The following SYNE2 variants were observed in gnomAD, a reference collection of about 807,000 sequenced individuals.
SYNE2 encodes the protein nesprin-2.
In SYNE2, 431 loss-of-function variants were observed where a neutral mutation model predicts 856.3. The observed-to-expected ratio is 0.50, with a 90% CI of 0.47 to 0.55. The LOEUF is 0.55. SYNE2 is among the 20% of genes least tolerant of loss of function. The pLI is 0.00. For synonymous variants in SYNE2, 2,923 were observed against 2,872.3 expected (o/e 1.02, Z -0.56); for missense variants, 8,129 against 8,023.2 (o/e 1.01, Z -0.50).
intron 94 of SYNE2, among the ~76,000 whole-genome samples, chr14:64,170,844 G>A (rs1431119610): frequency 6.6e-6 from 1 of 151,902 alleles, no homozygotes; most frequent in African/African-American, 2.4e-5. Context: ...ACTCTTGAAG[G>A]GCAAATTCAA....
chr14:63,990,920 T>G lies in SYNE2; in HGVS notation c.2473-22T>G, dbSNP rs1255908. ...TTAAGAATTGGTCCCCGTGTTAATT[T>G]GAGAATTTTTTTGTCTTCAAGATCA... On this transcript the variant is annotated intron_variant, in intron 20 of 115. Coordinates refer to ENST00000555002, the MANE Select transcript of SYNE2 (RefSeq NM_182914.3). 475,629 of 1,610,086 alleles carry G rather than the reference T, an allele frequency of 0.3. 71,723 individuals are homozygous for G. The highest frequency in any genetic ancestry group is 0.36 in the African/African-American group (27,127 of 74,854).
Position 64,081,423 on chromosome 14 carries a change from G to A in SYNE2, c.11347-20G>A. ...AGTAAAAGGCATCTGACTAAGTTTG[G>A]TCCTGCATCTCTTTCCCAGGCCACA... On this transcript the variant is annotated intron_variant, in intron 56 of 115. Coordinates refer to ENST00000555002, the MANE Select transcript of SYNE2 (RefSeq NM_182914.3). 6.2e-7 allele frequency: 1 copy of A among 1,614,060 alleles called. No individual in the cohort carries two copies. The highest frequency in any genetic ancestry group is 8.5e-7 in the Non-Finnish European group (1 of 1,179,994).
At chr14:64,029,323 A>G (rs951769484) in intron 43 of SYNE2, among the ~76,000 whole-genome samples, 2 of 152,138 alleles carry the variant, frequency 1.3e-5, no homozygotes, top group Non-Finnish European at 2.9e-5. Flanking sequence ...TCTTCTGTAA[A>G]TTGTTTAATT....
intron 100 of SYNE2, among the ~76,000 whole-genome samples, chr14:64,205,633 C>T (rs1299236546): frequency 6.6e-6 from 1 of 152,140 alleles, no homozygotes. Flanking sequence ...GGGGTCAGAC[C>T]CTATAGGAGT....
At chr14:63,927,600 A>G (rs2095686336) in intron 2 of SYNE2, among the ~76,000 whole-genome samples, 1 of 151,864 alleles carries the variant, frequency 6.6e-6, no homozygotes, top group African/African-American at 2.4e-5. Context: ...CCACCATATA[A>G]GACATGCCTT....
chr14:63,764,903 G>T (rs530165096), intron 1 of SYNE2, among the ~76,000 whole-genome samples: 1 of 152,278 alleles, frequency 6.6e-6, no homozygotes, highest in Non-Finnish European at 1.5e-5. Context: ...AGCTGTGATT[G>T]TGTCACTGCA....
chr14:64,135,880 C>T (rs1335480238), intron 78 of SYNE2, among the ~76,000 whole-genome samples: 1 of 152,132 alleles, frequency 6.6e-6, no homozygotes, highest in Non-Finnish European at 1.5e-5. Flanking sequence ...GATCAGCCGT[C>T]GTCTGTGGGG....
At chr14:64,163,313 T>G in intron 88 of SYNE2, 89 bp from the exon 89 acceptor site, 1 of 1,452,684 alleles carries the variant, frequency 6.9e-7, no homozygotes, top group Non-Finnish European at 9.6e-7. Flanking sequence ...AGGGCAAATA[T>G]TCTCCTAGAT....
Position 64,219,394 on chromosome 14 carries a change from G to A in SYNE2, c.19844G>A (p.Arg6615Lys). 6.2e-7 allele frequency: 1 copy of A among 1,614,100 alleles called. No individual in the cohort carries two copies. The highest frequency in any genetic ancestry group is 8.5e-7 in the Non-Finnish European group (1 of 1,180,030). The change falls in exon 110 of 116, where the codon AGA becomes AAA. Residue 6615 changes from arginine (R) to lysine (K), a missense_variant. This residue lies in a region of SYNE2 where 5,410 missense variants were observed against 5,284.8 expected (regional missense o/e 1.02). Coordinates refer to ENST00000555002, the MANE Select transcript of SYNE2 (RefSeq NM_182914.3). ...TCTGATATCCAGGAAATAGAACTGA[G>A]AGTGAAGAGACTGCAGGTGAGTTAG... is the stretch of plus-strand genomic sequence containing the variant. The part of the protein sequence containing the change: ...PPSDIQEIEL[R>K]VKRLQEILKA...
At chr14:64,144,059 A>AG in intron 83 of SYNE2, 111 bp downstream of exon 83, 5 of 1,243,760 alleles carry the variant, frequency 4.0e-6, no homozygotes, top group South Asian at 1.2e-5. Flanking sequence ...CCTAATAATC[A>AG]TCTCAACTAT....
chr14:64,109,992 G>A (rs2097794314), intron 65 of SYNE2, among the ~76,000 whole-genome samples: 1 of 152,206 alleles, frequency 6.6e-6, no homozygotes, highest in Non-Finnish European at 1.5e-5. Context: ...ATGTGAAAAT[G>A]TGAAATCAAG....
In SYNE2 at chr14:64,029,910, T is replaced by A. The variant is rs2097018531; in HGVS notation, c.6730T>A (p.Leu2244Met). 1.9e-6 allele frequency: 3 copies of A among 1,613,886 alleles called. No homozygotes were observed. In the African/African-American group the frequency reaches 4.0e-5, roughly 22 times the overall value. Residue 2244 changes from leucine (L) to methionine (M), a missense_variant, in exon 44 of 116, where the codon TTG becomes ATG. Physicochemically the swap from Leu to Met is conservative, Grantham distance 15. This residue lies in a region of SYNE2 where 297 missense variants were observed against 380.9 expected (regional missense o/e 0.78). Coordinates refer to ENST00000555002, the MANE Select transcript of SYNE2 (RefSeq NM_182914.3). ...TTATTTTTAGGATTCTGTGCAAAAC[T>A]TGGACGGTCACGTTCGAGAACATGA... ...LQQLQDSVQN[L>M]DGHVREHDSY...
At chr14:64,142,739 C>T (rs1036109437) in intron 82 of SYNE2, among the ~76,000 whole-genome samples, 1 of 152,204 alleles carries the variant, frequency 6.6e-6, no homozygotes, top group African/African-American at 2.4e-5. Context: ...CTGCCTTCCT[C>T]TAACAGGTGT....
At chr14:63,830,535 C>A (rs1411384529) in intron 1 of SYNE2, among the ~76,000 whole-genome samples, 1 of 151,514 alleles carries the variant, frequency 6.6e-6, no homozygotes, top group African/African-American at 2.4e-5. Flanking sequence ...GTGGCGTGTA[C>A]CTATGGTCCC....
chr14:63,900,865 C>T lies in SYNE2; in HGVS notation c.-51-8233C>T, dbSNP rs949687495. ...TGCTGTGAGCTTGTAAGTGGACTGT[C>T]AATTGCTAGGAATAGCTCTACAATT... On this transcript the variant is annotated intron_variant, in intron 1 of 115. Transcript: ENST00000555002. 1.7e-4 allele frequency among the ~76,000 whole-genome samples: 26 copies of T among 152,176 alleles called. 1 individual carries two copies. Among genetic ancestry groups the T allele is most frequent in the Non-Finnish European group, 8.8e-5 (6 of 68,032 alleles).
intron 6 of SYNE2, among the ~76,000 whole-genome samples, chr14:63,944,935 G>C (rs1001708340): frequency 4.3e-5 from 6 of 139,412 alleles, no homozygotes; most frequent in Non-Finnish European, 3.0e-5. Flanking sequence ...AGCCCCCTGA[G>C]TAGCTGGGAT....
chr14:64,117,194 A>G (rs1400208272), intron 66 of SYNE2, among the ~76,000 whole-genome samples: 1 of 152,130 alleles, frequency 6.6e-6, no homozygotes, highest in African/African-American at 2.4e-5. Context: ...AACTAGAAGT[A>G]TTTTGCATTT....
Position 64,126,434 on chromosome 14 carries a change from C to T in SYNE2, c.13662C>T (p.Pro4554=). 1 of 1,614,094 alleles carries T rather than the reference C, an allele frequency of 6.2e-7. No homozygotes were observed. Among genetic ancestry groups the T allele is most frequent in the East Asian group, 2.2e-5 (1 of 44,880 alleles). ...GTGTGGAGGAGATGCTGGAGATGCC[C>T]AGACTTTACAGGGAGGATGGTTCTG... The part of the protein sequence containing the change: ...LSSVEEMLEM[P]RLYREDGSGQ... The change falls in exon 72 of 116, where the codon CCC becomes CCT. Residue 4554 remains proline, a synonymous_variant. Coordinates refer to ENST00000555002, the MANE Select transcript of SYNE2 (RefSeq NM_182914.3).
chr14:63,858,892 A>G (rs1892697143), intron 1 of SYNE2, among the ~76,000 whole-genome samples: 1 of 152,210 alleles, frequency 6.6e-6, no homozygotes. Context: ...TTATTATCTA[A>G]GAAATCTGCC....
Sources: gnomAD v4.1 joint callset for allele counts (sites outside exome capture counted in the v4.1 genomes callset) on GRCh38, gnomAD v4.1.1 for gene constraint, gnomAD v4.1.1 regional missense constraint, MANE v1.5 for transcripts, NCBI Gene and HGNC (gene_info 2026-07-23, HGNC 2026-07-21) for gene names.